TENM4: variants seen among roughly 807,000 people sequenced by gnomAD.
TENM4 encodes the protein teneurin-4.
TENM4 carries 82 observed loss-of-function variants against 243.3 expected under a neutral mutation model. That is an observed-to-expected ratio of 0.34 (90% CI 0.28 to 0.40). TENM4 has a LOEUF of 0.40. Ranked by LOEUF, TENM4 falls within the 10% of genes least tolerant of loss-of-function variation. The pLI is 1.00. For missense variants in TENM4, 3,138 were observed against 3,673.3 expected (o/e 0.85, Z 3.77); for synonymous variants, 1,412 against 1,456.3 (o/e 0.97, Z 0.69).
At chr11:78,763,611 T>A (rs1856479046) in intron 18 of TENM4, among the ~76,000 whole-genome samples, 1 of 152,216 alleles carries the variant, frequency 6.6e-6, no homozygotes, top group Non-Finnish European at 1.5e-5. Flanking sequence ...CAGGTAGTTG[T>A]CAAATGACCC....
rs545697452 is a variant in TENM4 at position 79,031,131 on chromosome 11, G to T, written c.493+33607C>A. 2.6e-5 allele frequency among the ~76,000 whole-genome samples: 4 copies of T among 152,320 alleles called. No homozygotes were observed. The South Asian group carries it at 8.3e-4, about 32-fold the overall frequency. ...CACCCAGCACAGTGCCTGACATGGA[G>T]GAGGGGCTCAGAAGTACTTAGCAAA... On this transcript the variant is annotated intron_variant, in intron 6 of 33. Transcript: ENST00000278550.
At chr11:79,349,598 T>C (rs1330593683) in intron 1 of TENM4, among the ~76,000 whole-genome samples, 1 of 152,148 alleles carries the variant, frequency 6.6e-6, no homozygotes, top group African/African-American at 2.4e-5. Flanking sequence ...AACCTCTGCT[T>C]TTATGGGGTT....
chr11:78,865,108 G>T (rs890011613), intron 9 of TENM4, among the ~76,000 whole-genome samples: 8 of 152,078 alleles, frequency 5.3e-5, no homozygotes, highest in Middle Eastern at 3.2e-3. Context: ...GGCTCAGAAG[G>T]TTAATTAAAA....
At chr11:78,985,570 C>T (rs188820033) in intron 6 of TENM4, among the ~76,000 whole-genome samples, 79 of 152,238 alleles carry the variant, frequency 5.2e-4, no homozygotes, top group Non-Finnish European at 2.6e-4. Flanking sequence ...ATAATATTTA[C>T]TCATTCAAGA....
intron 1 of TENM4, among the ~76,000 whole-genome samples, chr11:79,367,194 C>A (rs375379757): frequency 1.1e-3 from 168 of 152,286 alleles, no homozygotes; most frequent in African/African-American, 3.8e-3. Flanking sequence ...ATTCACATGG[C>A]AAAATTGAGA....
chr11:79,019,049 T>C (rs1374329235), intron 6 of TENM4, among the ~76,000 whole-genome samples: 2 of 152,096 alleles, frequency 1.3e-5, no homozygotes, highest in African/African-American at 4.8e-5. Flanking sequence ...TGTCCACTCA[T>C]GGGGAAGCGA....
chr11:79,116,296 GA>G (rs1296263544), intron 4 of TENM4, among the ~76,000 whole-genome samples: 1 of 152,192 alleles, frequency 6.6e-6, no homozygotes, highest in Non-Finnish European at 1.5e-5. Flanking sequence ...CTTCACAGAT[GA>G]AGAAAATGAG....
intron 3 of TENM4, among the ~76,000 whole-genome samples, chr11:79,182,596 T>C (rs774397456): frequency 6.6e-6 from 1 of 152,150 alleles, no homozygotes; most frequent in Non-Finnish European, 1.5e-5. Context: ...TAAAAACTTA[T>C]GCTCTCTGGA....
intron 2 of TENM4, among the ~76,000 whole-genome samples, chr11:79,272,762 C>T (rs1855991504): frequency 2.0e-5 from 3 of 152,128 alleles, no homozygotes; most frequent in South Asian, 2.1e-4. Context: ...CTCCTGGAAG[C>T]TTCCCCTGGC....
intron 16 of TENM4, among the ~76,000 whole-genome samples, chr11:78,781,607 G>A (rs1256999617): frequency 6.6e-6 from 1 of 151,986 alleles, no homozygotes; most frequent in Non-Finnish European, 1.5e-5. Flanking sequence ...GAATCTTCAG[G>A]GGCCCCCTAT....
intron 6 of TENM4, among the ~76,000 whole-genome samples, chr11:78,906,597 A>G (rs968732503): frequency 6.6e-6 from 1 of 152,188 alleles, no homozygotes; most frequent in Non-Finnish European, 1.5e-5. Context: ...GGGGACAAGG[A>G]ATGTTTTCTA....
chr11:78,805,282 C>CCCCCCCCCCCCCCCCCCCCACAAAA lies in TENM4; in HGVS notation c.2179+9_2179+10insTTTTGTGGGGGGGGGGGGGGGGGGG. ...CCCTCTACCCATGCTTCTTCTCCCC[C>CCCCCCCCCCCCCCCCCCCCACAAAA]TGCATTTACCGATAGAACAGTCGTG... On this transcript the variant is annotated intron_variant, in intron 15 of 33. Transcript: ENST00000278550. 1 of 995,568 alleles carries CCCCCCCCCCCCCCCCCCCCACAAAA rather than the reference C, an allele frequency of 1.0e-6. No homozygotes were observed. Among genetic ancestry groups the CCCCCCCCCCCCCCCCCCCCACAAAA allele is most frequent in the Non-Finnish European group, 1.2e-6 (1 of 823,790 alleles). 61.7% of individuals were successfully genotyped at this position (995,568 alleles called of 1,614,324 possible).
intron 6 of TENM4, among the ~76,000 whole-genome samples, chr11:78,909,488 C>T (rs1390954254): frequency 6.6e-6 from 1 of 152,234 alleles, no homozygotes; most frequent in East Asian, 1.9e-4. Context: ...TCCATAGACC[C>T]TACTGTTAAA....
intron 6 of TENM4, among the ~76,000 whole-genome samples, chr11:78,917,037 G>A (rs1230350091): frequency 1.3e-5 from 2 of 152,170 alleles, no homozygotes; most frequent in Non-Finnish European, 2.9e-5. Context: ...AACCCCTCAT[G>A]TATTTTTGTT....
chr11:79,311,010 G>T (rs1405259577), intron 1 of TENM4, among the ~76,000 whole-genome samples: 1 of 152,174 alleles, frequency 6.6e-6, no homozygotes, highest in Non-Finnish European at 1.5e-5. Flanking sequence ...ACTGCTTGGA[G>T]ATGAAAGTCT....
chr11:79,314,187 T>G (rs1019251081), intron 1 of TENM4, among the ~76,000 whole-genome samples: 1 of 152,174 alleles, frequency 6.6e-6, no homozygotes, highest in Non-Finnish European at 1.5e-5. Flanking sequence ...TTTTCTCATC[T>G]GCAAAGTAGG....
At chr11:79,310,108 C>A (rs1025166264) in intron 1 of TENM4, among the ~76,000 whole-genome samples, 4 of 152,318 alleles carry the variant, frequency 2.6e-5, no homozygotes, top group South Asian at 4.2e-4. Flanking sequence ...CCTGCCTTAG[C>A]CAGCTCAGTC....
chr11:79,356,034 C>T (rs1857491611), intron 1 of TENM4, among the ~76,000 whole-genome samples: 1 of 152,150 alleles, frequency 6.6e-6, no homozygotes, highest in African/African-American at 2.4e-5. Context: ...ACAGACTCAC[C>T]CCAGGCAGTA....
intron 32 of TENM4, among the ~76,000 whole-genome samples, chr11:78,668,733 G>A (rs1858226914): frequency 6.6e-6 from 1 of 152,180 alleles, no homozygotes. Context: ...TGGTGACCCT[G>A]ACAAATTTAT....
Sources: gnomAD v4.1 joint callset for allele counts (sites outside exome capture counted in the v4.1 genomes callset) on GRCh38, gnomAD v4.1.1 for gene constraint, MANE v1.5 for transcripts, NCBI Gene and HGNC (gene_info 2026-07-23, HGNC 2026-07-21) for gene names.